The following HSPG2 variants were observed in gnomAD, a reference collection of about 807,000 sequenced individuals.
The protein encoded by HSPG2 is basement membrane-specific heparan sulfate proteoglycan core protein.
In HSPG2, 278 loss-of-function variants were observed where a neutral mutation model predicts 526.6. The observed-to-expected ratio is 0.53, with a 90% confidence interval of 0.48 to 0.58. The LOEUF is 0.58. Among genes scored for constraint, HSPG2 ranks in the 20% least tolerant of loss-of-function variants. The pLI, the probability that HSPG2 is intolerant of heterozygous loss-of-function variation, is 0.00. For missense variants in HSPG2, 5,354 were observed against 6,099.5 expected, an observed-to-expected ratio of 0.88 and a Z score of 4.07; for synonymous variants, 2,465 against 2,555.4, an observed-to-expected ratio of 0.96 and a Z score of 1.07.
chr1:21,875,246 A>G (rs534239845), intron 25 of HSPG2: 51 of 606,664 alleles, frequency 8.4e-5, no homozygotes, highest in Admixed American at 1.1e-4. Context: ...GGGGTCCCCA[A>G]TGACAGGCTG....
chr1:21,878,442 T>A lies in HSPG2; in HGVS notation c.2608A>T (p.Arg870Trp). The A allele has an allele frequency of 6.2e-7, 1 of 1,606,430 alleles. No individual in the cohort carries two copies. Among genetic ancestry groups the A allele is most frequent in the Non-Finnish European group, 8.5e-7 (1 of 1,175,548 alleles). ...TGGCAGCCATACTCACTGACGGGCCTGCACTTCCCGCCGGGCTGGATGGGG... is the reference window on the plus strand; with the variant it reads ...TGGCAGCCATACTCACTGACGGGCCAGCACTTCCCGCCGGGCTGGATGGGG... The part of the protein sequence containing the change: ...GNPIQPGGKC[R>W]PVNQEIVRCD... The change falls in exon 20 of 97, where the codon AGG (arginine) becomes TGG (tryptophan). Residue 870 changes from arginine (R) to tryptophan (W), a missense_variant. Coordinates refer to ENST00000374695, the MANE Select transcript of HSPG2 (RefSeq NM_005529.7).
At position 21,857,034 on chromosome 1, in the gene HSPG2, T is replaced by C. The variant is rs1230136561; in HGVS notation, c.5556A>G (p.Thr1852=). 6.2e-7 allele frequency: 1 copy of C among 1,614,180 alleles called. No homozygotes were observed. The highest frequency in any genetic ancestry group is 1.1e-5 in the South Asian group (1 of 91,086). The change falls in exon 44 of 97, where the codon ACA becomes ACG. Residue 1852 remains threonine (T), a synonymous_variant. Coordinates refer to ENST00000374695, the MANE Select transcript of HSPG2 (RefSeq NM_005529.7). ...GSNMFAMDQG[T]ATLHVQASGT... Reference sequence around the variant, plus strand: ...GTGTACCCTGCACATGTAGAGTGGCTGTGCCCTGGTCCATGGCAAACATGT... The same window carrying C: ...GTGTACCCTGCACATGTAGAGTGGCCGTGCCCTGGTCCATGGCAAACATGT...
chr1:21,895,790 T>A lies in HSPG2; in HGVS notation c.244+132A>T, dbSNP rs568989608. ...TCTGCACAACTGTCACTCAGCAGGT[T>A]AAGAGATCACACCCACTTCTTCTTG... On this transcript the variant is annotated intron_variant, in intron 3 of 96. Coordinates refer to ENST00000374695, the MANE Select transcript of HSPG2 (RefSeq NM_005529.7). The surrounding 1 kb of genome is among the most constrained non-coding windows in gnomAD (Gnocchi z 4.1). The A allele has an allele frequency of 2.4e-6, 2 of 835,782 alleles. No homozygotes were observed. The highest frequency in any genetic ancestry group is 5.1e-5 in the East Asian group (2 of 38,926). The allele number at this position is 835,782 out of a possible 1,614,324, so 51.8% of individuals were successfully genotyped here.
rs1291085909 is a variant in HSPG2, at chr1:21,887,537, T to G, written c.841A>C (p.Arg281=). 1.2e-6 allele frequency: 2 copies of G among 1,613,972 alleles called. No homozygotes were observed. The highest frequency in any genetic ancestry group is 1.3e-5 in the African/African-American group (1 of 74,936). ...APQPLLPGSV[R]PLPCGPQEAA... ...TCCTGGGGCCCACAGGGCAGGGGCC[T>G]GACGGAACCGGGAAGCAGGGGCTGA... The change falls in exon 8 of 97, where the codon AGG becomes CGG. Residue 281 remains arginine, a synonymous_variant. Coordinates refer to ENST00000374695, the MANE Select transcript of HSPG2 (RefSeq NM_005529.7). This position sits in a 1 kb window ranked among gnomAD's most constrained non-coding sequence, Gnocchi z 5.0.
rs536022759 is a variant in HSPG2 at position 21,829,200 on chromosome 1, A to C, written c.11993-121T>G. On this transcript the variant is annotated intron_variant, in intron 87 of 96. Coordinates refer to ENST00000374695, the MANE Select transcript of HSPG2 (RefSeq NM_005529.7). ...CCTACAGCCTTCTGTATTCCAGATG[A>C]GGAGCCCATGGCTCAGAGAGGGCTA... is the stretch of plus-strand genomic sequence containing the variant. 3.5e-6 allele frequency: 5 copies of C among 1,432,664 alleles called. No individual in the cohort carries two copies. In the South Asian group the frequency reaches 6.5e-5, roughly 19 times the overall value. The allele number at this position is 1,432,664 out of a possible 1,614,324, so 88.7% of individuals were successfully genotyped here.
chr1:21,889,090 T>A (rs771022707), intron 6 of HSPG2, among the ~76,000 whole-genome samples: 2 of 152,148 alleles, frequency 1.3e-5, no homozygotes, highest in Non-Finnish European at 2.9e-5. Context: ...CACGCTTGGC[T>A]TTAATTGAGG....
Position 21,880,513 on chromosome 1 carries a change from A to G in HSPG2, c.2045T>C (p.Leu682Pro). ...CTCCAGGCTCTGCAGCACCTGCAGCAGCTCCGCGCGCTGCACCGGCCGGCC... is the reference window on the plus strand; with the variant it reads ...CTCCAGGCTCTGCAGCACCTGCAGCGGCTCCGCGCGCTGCACCGGCCGGCC... ...ESGRPVQRAE[L>P]LQVLQSLEAV... Residue 682 changes from leucine to proline, a missense_variant, in exon 16 of 97, where the codon CTG (leucine) becomes CCG (proline). Physicochemically the swap from Leu to Pro is moderately conservative, Grantham distance 98. Coordinates refer to ENST00000374695, the MANE Select transcript of HSPG2 (RefSeq NM_005529.7). 1 of 1,613,668 alleles carries G rather than the reference A, an allele frequency of 6.2e-7. No homozygotes were observed. Among genetic ancestry groups the G allele is most frequent in the East Asian group, 2.2e-5 (1 of 44,874 alleles).
At chr1:21,833,045 G>A (rs953520345) in intron 80 of HSPG2, 9 of 608,984 alleles carry the variant, frequency 1.5e-5, no homozygotes, top group Non-Finnish European at 2.1e-5. Context: ...GAGGAGCCAC[G>A]AGGAGGCTGG....
intron 1 of HSPG2, among the ~76,000 whole-genome samples, chr1:21,928,903 A>G (rs1482343797): frequency 6.6e-6 from 1 of 152,000 alleles, no homozygotes; most frequent in Admixed American, 6.6e-5. Flanking sequence ...GGCATGTGCC[A>G]CCATGCTTAG....
At chr1:21,883,197 G>A (rs1641637674) in intron 13 of HSPG2, among the ~76,000 whole-genome samples, 1 of 152,236 alleles carries the variant, frequency 6.6e-6, no homozygotes, top group South Asian at 2.1e-4. Context: ...GACCTTGCAA[G>A]GGTTTTTGGC....
rs1367246510 is a variant in HSPG2, at chr1:21,842,785, G to T, written c.8895C>A (p.Leu2965=). 1.2e-6 allele frequency: 2 copies of T among 1,613,260 alleles called. No homozygotes were observed. Among genetic ancestry groups the T allele is most frequent in the African/African-American group, 2.7e-5 (2 of 74,922 alleles). Residue 2965 remains leucine, a synonymous_variant, in exon 67 of 97, where the codon CTC becomes CTA. Coordinates refer to ENST00000374695, the MANE Select transcript of HSPG2 (RefSeq NM_005529.7). The part of the protein sequence containing the change: ...QVTWYKRGGS[L]PARHQTHGSQ... ...GCCCCTGTACCTGGTGCCGGGCGGG[G>T]AGGCTGCCCCCGCGCTTGTACCACG... is the stretch of plus-strand genomic sequence containing the variant.
chr1:21,854,968 T>C lies in HSPG2; in HGVS notation c.6013A>G (p.Thr2005Ala), dbSNP rs780925782. Reference sequence around the variant, plus strand: ...GGGATGAGCAGTGTCGCGATGTCTGTGCGCTCTGACCGGGCCTGCCGTGGG... The same window carrying C: ...GGGATGAGCAGTGTCGCGATGTCTGCGCGCTCTGACCGGGCCTGCCGTGGG... ...SLPPQARSERTDIATLLIPAI... is the reference protein window; with the variant it reads ...SLPPQARSERADIATLLIPAI... Residue 2005 changes from threonine to alanine, a missense_variant, in exon 48 of 97, where the codon ACA becomes GCA. Transcript: ENST00000374695. 2.5e-6 allele frequency: 4 copies of C among 1,613,376 alleles called. No homozygotes were observed. The Admixed American group carries it at 6.7e-5, about 27-fold the overall frequency.
chr1:21,859,684 G>C lies in HSPG2; in HGVS notation c.5183-8C>G. On this transcript the variant is annotated splice_region_variant and splice_polypyrimidine_tract_variant and intron_variant, in intron 41 of 96. Transcript: ENST00000374695. The surrounding 1 kb of genome is among the most constrained non-coding windows in gnomAD (Gnocchi z 5.3). ...GGAAGTGGAGCTCGGAGCCTGGTGG[G>C]GAGGAGACAAGAGCTTGTTGGTGCA... 6.2e-7 allele frequency: 1 copy of C among 1,603,252 alleles called. No homozygotes were observed. Among genetic ancestry groups the C allele is most frequent in the Non-Finnish European group, 8.5e-7 (1 of 1,174,988 alleles).
Position 21,827,875 on chromosome 1 carries a change from T to G in HSPG2, c.12577A>C (p.Ser4193Arg). The G allele has an allele frequency of 6.3e-7, 1 of 1,588,584 alleles. No homozygotes were observed. Among genetic ancestry groups the G allele is most frequent in the South Asian group, 1.1e-5 (1 of 86,996 alleles). Residue 4193 changes from serine to arginine, a missense_variant, in exon 91 of 97, where the codon AGC becomes CGC. Transcript: ENST00000374695. ...IAESDWHLEGSGGNDAPGQYG... is the reference protein window; with the variant it reads ...IAESDWHLEGRGGNDAPGQYG... Reference sequence around the variant, plus strand: ...GGCAAGTACTCACCATTGCCCCCGCTGCCTTCAAGATGCCAGTCGGACTCT... The same window carrying G: ...GGCAAGTACTCACCATTGCCCCCGCGGCCTTCAAGATGCCAGTCGGACTCT...
chr1:21,854,848 C>T lies in HSPG2; in HGVS notation c.6133G>A (p.Ala2045Thr). 6.2e-7 allele frequency: 1 copy of T among 1,613,952 alleles called. No homozygotes were observed. The highest frequency in any genetic ancestry group is 8.5e-7 in the Non-Finnish European group (1 of 1,179,950). ...CCCTCCATTCCCAGAGAGTCCGTAC[C>T]TGAAAGGACAACCACTTGGATCCGG... ...QARIQVVVLS[A>T]SDASPPPVKI... The change falls in exon 48 of 97, where the codon GCC (alanine) becomes ACC (threonine). Residue 2045 changes from alanine to threonine, a missense_variant and splice_region_variant. Ala to Thr is a moderately conservative substitution (Grantham distance 58, BLOSUM62 0). Coordinates refer to ENST00000374695, the MANE Select transcript of HSPG2 (RefSeq NM_005529.7).
chr1:21,830,715 T>TATGG, intron 85 of HSPG2: 1 of 242,362 alleles, frequency 4.1e-6, no homozygotes, highest in East Asian at 6.8e-5. Flanking sequence ...AAAAAAAAGA[T>TATGG]GGGCTGGGGG....
chr1:21,852,898 G>A (rs1451817568), intron 51 of HSPG2, 21 bp downstream of exon 51: 11 of 1,612,158 alleles, frequency 6.8e-6, no homozygotes, highest in Non-Finnish European at 9.3e-6. Flanking sequence ...CCAGCAAGGT[G>A]GTCCCGGGGG....
chr1:21,854,775 G>C lies in HSPG2; in HGVS notation c.6134-10C>G, dbSNP rs1639200901. Reference sequence around the variant, plus strand: ...GGGCTGGCATCTGAGGCTGGGGCCAGAGTAGGGGTCAGCAGGCCCCAGGGG... The same window carrying C: ...GGGCTGGCATCTGAGGCTGGGGCCACAGTAGGGGTCAGCAGGCCCCAGGGG... On this transcript the variant is annotated splice_polypyrimidine_tract_variant and intron_variant, in intron 48 of 96. Transcript: ENST00000374695. 1 of 1,613,474 alleles carries C rather than the reference G, an allele frequency of 6.2e-7. No homozygotes were observed. The highest frequency in any genetic ancestry group is 8.5e-7 in the Non-Finnish European group (1 of 1,179,828).
rs767742916 is a variant in HSPG2, at chr1:21,848,766, G to A, written c.7614C>T (p.Ile2538=). The change falls in exon 59 of 97, where the codon ATC becomes ATT. Residue 2538 remains isoleucine, a synonymous_variant. Coordinates refer to ENST00000374695, the MANE Select transcript of HSPG2 (RefSeq NM_005529.7). This position sits in a 1 kb window ranked among gnomAD's most constrained non-coding sequence, Gnocchi z 4.9. ...TGGCCAGGGAGGCTGAGGAGGACTC[G>A]ATGCGGACGGGGTACGCCACACCCT... The part of the protein sequence containing the change: ...HSQGVAYPVR[I]ESSSASLANG... The A allele has an allele frequency of 8.1e-6, 13 of 1,613,854 alleles. No homozygotes were observed. Among genetic ancestry groups the A allele is most frequent in the African/African-American group, 5.3e-5 (4 of 75,036 alleles).
Sources: allele counts gnomAD v4.1 joint callset (sites outside exome capture counted in the v4.1 genomes callset), GRCh38; gene constraint gnomAD v4.1.1; non-coding constraint Gnocchi (gnomAD v3.1); transcripts MANE v1.5; gene names NCBI Gene and HGNC (gene_info 2026-07-23, HGNC 2026-07-21).